KCNK1: variants seen among roughly 807,000 people sequenced by gnomAD.
KCNK1 encodes the protein potassium two pore domain channel subfamily K member 1.
KCNK1 carries 10 observed loss-of-function variants against 22.2 expected under a neutral mutation model. That is an observed-to-expected ratio of 0.45 (90% confidence interval 0.28 to 0.76). KCNK1 has a LOEUF of 0.76. KCNK1 is among the 30% of genes least tolerant of loss of function. The pLI, the probability that KCNK1 is intolerant of heterozygous loss-of-function variation, is 0.14. For synonymous variants in KCNK1, 200 were observed against 186.4 expected, an observed-to-expected ratio of 1.07 and a Z score of -0.60; for missense variants, 378 against 421.0, an observed-to-expected ratio of 0.90 and a Z score of 0.89.
intron 2 of KCNK1, among the ~76,000 whole-genome samples, chr1:233,668,838 T>C (rs796505466): frequency 5.3e-5 from 8 of 152,256 alleles, no homozygotes; most frequent in African/African-American, 1.9e-4. Context: ...AACTCCTGAC[T>C]TCGTGATCTG....
rs777440124 is a variant in KCNK1, at chr1:233,671,497, A to G, written c.978A>G (p.Ser326=). The G allele has an allele frequency of 3.1e-6, 5 of 1,614,196 alleles. No homozygotes were observed. The highest frequency in any genetic ancestry group is 4.2e-6 in the Non-Finnish European group (5 of 1,180,034). ...KQNEPFVATQ[S]SACVDGPANH ...ATGAGCCTTTTGTGGCCACCCAGTCATCTGCCTGCGTGGATGGCCCTGCAA... is the reference window on the plus strand; with the variant it reads ...ATGAGCCTTTTGTGGCCACCCAGTCGTCTGCCTGCGTGGATGGCCCTGCAA... The change falls in exon 3 of 3, where the codon TCA becomes TCG. Residue 326 remains serine, a synonymous_variant. Transcript: ENST00000366621.
At chr1:233,621,396 G>A (rs1421777115) in intron 1 of KCNK1, among the ~76,000 whole-genome samples, 1 of 152,186 alleles carries the variant, frequency 6.6e-6, no homozygotes, top group Non-Finnish European at 1.5e-5. Flanking sequence ...TAATATAGAG[G>A]TACATGATAG....
intron 1 of KCNK1, chr1:233,631,348 C>T: frequency 3.9e-6 from 2 of 517,036 alleles, no homozygotes; most frequent in Non-Finnish European, 8.0e-6. Context: ...GGAATCACTG[C>T]CCTGAGACAC....
intron 1 of KCNK1, 21 bp downstream of exon 1, chr1:233,614,547 C>G: frequency 1.3e-6 from 2 of 1,526,024 alleles, no homozygotes; most frequent in Non-Finnish European, 1.8e-6. Context: ...CTGCGCGCCC[C>G]CTGGCCGCCC....
chr1:233,664,680 C>G (rs1015720961), intron 1 of KCNK1, among the ~76,000 whole-genome samples: 5 of 152,210 alleles, frequency 3.3e-5, no homozygotes, highest in African/African-American at 9.7e-5. Flanking sequence ...AAGAACCCTG[C>G]CTCTGCCGTG....
chr1:233,670,139 T>C (rs1658572523), intron 2 of KCNK1, among the ~76,000 whole-genome samples: 1 of 152,208 alleles, frequency 6.6e-6, no homozygotes. Flanking sequence ...TGAAAACTCA[T>C]TTTTAAAATG....
At chr1:233,664,359 C>T in intron 1 of KCNK1, among the ~76,000 whole-genome samples, 1 of 152,050 alleles carries the variant, frequency 6.6e-6, no homozygotes, top group Non-Finnish European at 1.5e-5. Context: ...CCATATGTAG[C>T]ATGAACATTA....
intron 1 of KCNK1, among the ~76,000 whole-genome samples, chr1:233,643,237 A>G (rs554054857): frequency 6.8e-4 from 104 of 152,216 alleles, no homozygotes; most frequent in Non-Finnish European, 1.3e-3. Context: ...TTAGGAGTAG[A>G]GGACTGGATT....
rs1416348821 is a variant in KCNK1, at chr1:233,666,959, A to C, written c.720A>C (p.Lys240Asn). 13 of 1,613,072 alleles carry C rather than the reference A, an allele frequency of 8.1e-6. No homozygotes were observed. The highest frequency in any genetic ancestry group is 1.3e-5 in the African/African-American group (1 of 74,786). Reference sequence around the variant, plus strand: ...TGCCTGGGGAAGGCTACAATCAAAAATTCAGAGAGCTCTATAAGATTGGGA... The same window carrying C: ...TGCCTGGGGAAGGCTACAATCAAAACTTCAGAGAGCTCTATAAGATTGGGA... ...DYVPGEGYNQ[K>N]FRELYKIGIT... Residue 240 changes from lysine to asparagine, a missense_variant, in exon 2 of 3, where the codon AAA becomes AAC. Lys to Asn is a moderately conservative substitution (Grantham distance 94). Coordinates refer to ENST00000366621, the MANE Select transcript of KCNK1 (RefSeq NM_002245.4).
chr1:233,662,238 C>CCTTCTTCTTCTTCTTCTT (rs147341553), intron 1 of KCNK1, among the ~76,000 whole-genome samples: 15 of 149,460 alleles, frequency 1.0e-4, no homozygotes, highest in African/African-American at 2.2e-4. Context: ...TTCTTCTTCT[C>CCTTCTTCTTCTTCTTCTT]CTTCTTCTTC....
chr1:233,623,986 G>A, intron 1 of KCNK1, among the ~76,000 whole-genome samples: 1 of 152,222 alleles, frequency 6.6e-6, no homozygotes, highest in East Asian at 1.9e-4. Flanking sequence ...GGGATTTAGA[G>A]AGAGTAAAAC....
At chr1:233,671,023 C>T (rs553468831) in intron 2 of KCNK1, among the ~76,000 whole-genome samples, 1 of 152,136 alleles carries the variant, frequency 6.6e-6, no homozygotes, top group East Asian at 1.9e-4. Flanking sequence ...TCAAAAATTG[C>T]AGCCTGTGAT....
intron 1 of KCNK1, among the ~76,000 whole-genome samples, chr1:233,656,264 G>A (rs1658293705): frequency 1.3e-5 from 2 of 152,182 alleles, no homozygotes; most frequent in Non-Finnish European, 2.9e-5. Context: ...GAAGGTTAGA[G>A]GTTTTATAAA....
intron 1 of KCNK1, among the ~76,000 whole-genome samples, chr1:233,653,511 T>C (rs2102902978): frequency 6.6e-6 from 1 of 152,312 alleles, no homozygotes; most frequent in South Asian, 2.1e-4. Flanking sequence ...AGATTAGCAT[T>C]TGAATCAGTA....
Position 233,660,392 on chromosome 1 carries a change from A to T in KCNK1, c.356-6203A>T, listed in dbSNP as rs572116033. 4 of 152,306 alleles carry T rather than the reference A, an allele frequency of 2.6e-5. No individual in the cohort carries two copies. The South Asian group carries it at 8.3e-4, about 32-fold the overall frequency. The allele number at this position is 152,306 out of a possible 1,614,324, so 9.4% of individuals were successfully genotyped here. A position where few individuals can be genotyped will look rare whatever the true frequency, so the allele number is the denominator to read the frequency against. ...AATTTAGTTTATGCTTATATCACTG[A>T]TATTAATTATTGCCACAGAAACTCT... On this transcript the variant is annotated intron_variant, in intron 1 of 2. Transcript: ENST00000366621.
chr1:233,616,122 T>C (rs1382742494), intron 1 of KCNK1, among the ~76,000 whole-genome samples: 1 of 152,210 alleles, frequency 6.6e-6, no homozygotes, highest in Non-Finnish European at 1.5e-5. Flanking sequence ...CTTTGGAGTA[T>C]ATTTGTGCTA....
At chr1:233,655,073 G>A (rs1658266140) in intron 1 of KCNK1, among the ~76,000 whole-genome samples, 1 of 152,214 alleles carries the variant, frequency 6.6e-6, no homozygotes, top group African/African-American at 2.4e-5. Context: ...AACCTTTGGG[G>A]AGGGCCACCA....
chr1:233,657,946 A>C (rs1304053684), intron 1 of KCNK1, among the ~76,000 whole-genome samples: 1 of 152,200 alleles, frequency 6.6e-6, no homozygotes, highest in East Asian at 1.9e-4. Flanking sequence ...AAGAATTTGA[A>C]TAATTGTATG....
chr1:233,636,487 A>C (rs1254458562), intron 1 of KCNK1: 1 of 152,256 alleles, frequency 6.6e-6, no homozygotes, highest in Non-Finnish European at 1.5e-5. Flanking sequence ...AGGCTGCAGG[A>C]TTTTGGCTTG....
Sources: allele counts gnomAD v4.1 joint callset (sites outside exome capture counted in the v4.1 genomes callset), GRCh38; gene constraint gnomAD v4.1.1; transcripts MANE v1.5; gene names NCBI Gene and HGNC (gene_info 2026-07-23, HGNC 2026-07-21).